The following GATAD2B variants were observed in gnomAD, a reference collection of about 807,000 sequenced individuals.
GATAD2B encodes the protein GATA zinc finger domain containing 2B.
In GATAD2B, 8 loss-of-function variants were observed where a neutral mutation model predicts 64.3. That is an observed-to-expected ratio of 0.12 (90% confidence interval 0.07 to 0.22). The LOEUF (loss-of-function observed/expected upper bound fraction) is 0.22. GATAD2B is among the 10% of genes least tolerant of loss of function. The pLI, the probability that GATAD2B is intolerant of heterozygous loss-of-function variation, is 1.00. For synonymous variants in GATAD2B, 281 were observed against 271.3 expected (o/e 1.04, Z -0.35); for missense variants, 453 against 752.0 (o/e 0.60, Z 4.65).
At chr1:153,871,440 G>C (rs907512512) in intron 1 of GATAD2B, among the ~76,000 whole-genome samples, 3 of 152,152 alleles carry the variant, frequency 2.0e-5, no homozygotes, top group African/African-American at 7.2e-5. Context: ...CTGACCTAGT[G>C]ATCCATCTGC....
At chr1:153,912,785 C>G (rs4845584) in intron 1 of GATAD2B, among the ~76,000 whole-genome samples, 1 of 152,170 alleles carries the variant, frequency 6.6e-6, no homozygotes. Flanking sequence ...ATTCAGATAA[C>G]CTTTACGCCT....
chr1:153,902,940 G>A (rs1259248714), intron 1 of GATAD2B, among the ~76,000 whole-genome samples: 3 of 152,118 alleles, frequency 2.0e-5, no homozygotes, highest in East Asian at 1.9e-4. Context: ...GGTTACAGCC[G>A]GCCGCGGTGG....
chr1:153,866,105 G>T (rs1326454787), intron 1 of GATAD2B, among the ~76,000 whole-genome samples: 1 of 151,174 alleles, frequency 6.6e-6, no homozygotes, highest in East Asian at 2.0e-4. Flanking sequence ...TCAGGAGACA[G>T]AGGCAGAACA....
intron 1 of GATAD2B, among the ~76,000 whole-genome samples, chr1:153,856,157 A>G (rs1372050333): frequency 6.6e-6 from 1 of 152,110 alleles, no homozygotes; most frequent in Admixed American, 6.6e-5. Context: ...GACCCTTATG[A>G]TTATATTGGC....
intron 1 of GATAD2B, among the ~76,000 whole-genome samples, chr1:153,831,983 G>A (rs1675091474): frequency 6.6e-6 from 1 of 152,220 alleles, no homozygotes; most frequent in African/African-American, 2.4e-5. Flanking sequence ...GGGAAGCCAA[G>A]GCGGGCTGAT....
chr1:153,877,089 C>A (rs931485590), intron 1 of GATAD2B, among the ~76,000 whole-genome samples: 1 of 152,134 alleles, frequency 6.6e-6, no homozygotes, highest in Non-Finnish European at 1.5e-5. Flanking sequence ...AATCCCAGCA[C>A]TTTGGGGGGC....
intron 1 of GATAD2B, among the ~76,000 whole-genome samples, chr1:153,915,041 G>A (rs1455849370): frequency 6.6e-6 from 1 of 152,196 alleles, no homozygotes; most frequent in Non-Finnish European, 1.5e-5. Context: ...TGGCCAACAT[G>A]GCAAAACTCT....
At chr1:153,883,994 A>G (rs1256396223) in intron 1 of GATAD2B, among the ~76,000 whole-genome samples, 9 of 152,202 alleles carry the variant, frequency 5.9e-5, no homozygotes, top group Non-Finnish European at 1.3e-4. Context: ...GTGAAAACTA[A>G]ATTTAAAAAT....
chr1:153,825,675 C>T (rs1403871761), intron 2 of GATAD2B, among the ~76,000 whole-genome samples: 1 of 152,186 alleles, frequency 6.6e-6, no homozygotes, highest in Non-Finnish European at 1.5e-5. Flanking sequence ...ATCCACCCGC[C>T]TCGGCCTCAA....
At chr1:153,824,069 T>C (rs1470870064) in intron 2 of GATAD2B, among the ~76,000 whole-genome samples, 1 of 152,132 alleles carries the variant, frequency 6.6e-6, no homozygotes, top group Non-Finnish European at 1.5e-5. Context: ...TAAGTGGAAA[T>C]AGCTGTCAGT....
chr1:153,867,332 G>A (rs888928804), intron 1 of GATAD2B, among the ~76,000 whole-genome samples: 6 of 152,124 alleles, frequency 3.9e-5, no homozygotes, highest in Non-Finnish European at 7.4e-5. Flanking sequence ...TAGCAACCAG[G>A]AGGTTAGAAA....
At chr1:153,891,844 A>G (rs1677415145) in intron 1 of GATAD2B, among the ~76,000 whole-genome samples, 1 of 152,026 alleles carries the variant, frequency 6.6e-6, no homozygotes, top group South Asian at 2.1e-4. Flanking sequence ...TAATTACTAA[A>G]AGACATAAGC....
At chr1:153,870,537 C>A (rs1295512193) in intron 1 of GATAD2B, among the ~76,000 whole-genome samples, 2 of 152,118 alleles carry the variant, frequency 1.3e-5, no homozygotes, top group Non-Finnish European at 2.9e-5. Context: ...CGCGTCACTG[C>A]ACTCCAGCCT....
chr1:153,840,019 ATACT>A (rs1455426900), intron 1 of GATAD2B, among the ~76,000 whole-genome samples: 2 of 150,472 alleles, frequency 1.3e-5, no homozygotes, highest in East Asian at 3.9e-4. Flanking sequence ...AGAAATGAAA[ATACT>A]TTCTTTTTTT....
chr1:153,915,075 T>C (rs886738574), intron 1 of GATAD2B, among the ~76,000 whole-genome samples: 2 of 151,980 alleles, frequency 1.3e-5, no homozygotes, highest in Admixed American at 1.3e-4. Flanking sequence ...ACACAAAAAC[T>C]AGCCAGGTGT....
At chr1:153,820,070 C>G (rs2101883617) in intron 2 of GATAD2B, among the ~76,000 whole-genome samples, 1 of 150,474 alleles carries the variant, frequency 6.6e-6, no homozygotes, top group Admixed American at 6.6e-5. Flanking sequence ...TGCACTCCAG[C>G]CTGGGCAACA....
chr1:153,828,448 TCACACATACACACACA>T (rs1369145391), intron 1 of GATAD2B, 100 bp from the exon 2 acceptor site: 1 of 669,512 alleles, frequency 1.5e-6, no homozygotes, highest in African/African-American at 2.2e-5. Flanking sequence ...AATCTCTCTC[TCACACATACACACACA>T]CACACACACA....
chr1:153,909,819 A>C (rs1678060724), intron 1 of GATAD2B, among the ~76,000 whole-genome samples: 1 of 151,444 alleles, frequency 6.6e-6, no homozygotes, highest in African/African-American at 2.4e-5. Flanking sequence ...GTGGTGGCAC[A>C]CACCTGTAAT....
chr1:153,812,006 G>A lies in GATAD2B; in HGVS notation c.1530+16C>T, dbSNP rs766558740. ...AATCTTCTAAAGAAATCAGGATCAGGCAAAAAGTTCCTTACCTGCCGAAGC... is the reference window on the plus strand; with the variant it reads ...AATCTTCTAAAGAAATCAGGATCAGACAAAAAGTTCCTTACCTGCCGAAGC... On this transcript the variant is annotated intron_variant, in intron 9 of 10. Transcript: ENST00000368655. 4.0e-6 allele frequency: 6 copies of A among 1,497,238 alleles called. No homozygotes were observed. The South Asian group carries it at 5.7e-5, about 14-fold the overall frequency. The allele number at this position is 1,497,238 out of a possible 1,614,324, so 92.7% of individuals were successfully genotyped here.
Sources: gnomAD v4.1 joint callset for allele counts (sites outside exome capture counted in the v4.1 genomes callset) on GRCh38, gnomAD v4.1.1 for gene constraint, MANE v1.5 for transcripts, NCBI Gene and HGNC (gene_info 2026-07-23, HGNC 2026-07-21) for gene names.